DSCAM: variants seen among roughly 807,000 people sequenced by gnomAD.
The protein encoded by DSCAM is DS cell adhesion molecule.
DSCAM carries 47 observed loss-of-function variants against 217.7 expected under a neutral mutation model. The ratio of observed to expected loss-of-function variants is 0.22; its 90% CI spans 0.17 to 0.28. The LOEUF (loss-of-function observed/expected upper bound fraction) is 0.28, where lower values mean the gene tolerates loss of function less well. Ranked by LOEUF, DSCAM falls within the 10% of genes least tolerant of loss-of-function variation. DSCAM has a pLI of 1.00. For synonymous variants in DSCAM, 1,056 were observed against 1,015.3 expected, an observed-to-expected ratio of 1.04 and a Z score of -0.76; for missense variants, 2,080 against 2,618.3, an observed-to-expected ratio of 0.79 and a Z score of 4.49.
rs780963598 is a variant in DSCAM, at chr21:40,708,562, G to T, written c.253C>A (p.Pro85Thr). 10 of 1,602,272 alleles carry T rather than the reference G, an allele frequency of 6.2e-6. No homozygotes were observed. Among genetic ancestry groups the T allele is most frequent in the Non-Finnish European group, 8.5e-6 (10 of 1,172,966 alleles). ...GTACTGAAGCTTGAAGGAGGGAAGGGGAAAATTTGGAGAGTGCCGTTGGGG... is the reference window on the plus strand; with the variant it reads ...GTACTGAAGCTTGAAGGAGGGAAGGTGAAAATTTGGAGAGTGCCGTTGGGG... ...VHPNGTLQIF[P>T]FPPSSFSTLI... is the part of the protein sequence containing the mutation. Residue 85 changes from proline to threonine, a missense_variant, in exon 2 of 33, where the codon CCC (proline) becomes ACC (threonine). Around this residue, in one of 5 missense-constraint regions of DSCAM, gnomAD observed 568 missense variants for 678.1 expected, o/e 0.84. Transcript: ENST00000400454.
chr21:40,525,750 C>A (rs1290295255), intron 3 of DSCAM, among the ~76,000 whole-genome samples: 1 of 152,186 alleles, frequency 6.6e-6, no homozygotes, highest in Admixed American at 6.5e-5. Flanking sequence ...CAGCTCCCAG[C>A]TATATGGTCT....
At position 40,329,021 on chromosome 21, in the gene DSCAM, G is replaced by A. The variant is rs115894430; in HGVS notation, c.1783+9080C>T. On this transcript the variant is annotated intron_variant, in intron 8 of 32. Transcript: ENST00000400454. ...AAAAAACATGAAAAAAACAAGCATC[G>A]GTGAACATGTGGAGAAAAGAGAAGC... 5.7e-3 allele frequency among the ~76,000 whole-genome samples: 871 copies of A among 152,200 alleles called. 7 individuals are homozygous for A. The highest frequency in any genetic ancestry group is 0.02 in the African/African-American group (845 of 41,518).
intron 14 of DSCAM, among the ~76,000 whole-genome samples, chr21:40,185,765 G>A (rs547201732): frequency 1.7e-4 from 25 of 150,802 alleles, no homozygotes; most frequent in African/African-American, 6.2e-4. Flanking sequence ...TCTCCTCCCT[G>A]GGCCCTTGGG....
chr21:40,669,164 C>G (rs183638573), intron 3 of DSCAM, among the ~76,000 whole-genome samples: 154 of 152,204 alleles, frequency 1.0e-3, no homozygotes, highest in African/African-American at 3.6e-3. Flanking sequence ...TATTTTGAGA[C>G]CCTAGACGAA....
At chr21:40,169,706 T>C (rs920150112) in intron 15 of DSCAM, among the ~76,000 whole-genome samples, 20 of 152,146 alleles carry the variant, frequency 1.3e-4, no homozygotes, top group African/African-American at 4.8e-4. Context: ...CCAGTTAAGA[T>C]GTACTTATAA....
At chr21:40,106,413 G>T (rs1331663016) in intron 20 of DSCAM, among the ~76,000 whole-genome samples, 7 of 152,152 alleles carry the variant, frequency 4.6e-5, no homozygotes, top group Non-Finnish European at 5.9e-5. Context: ...GTTCATCAAG[G>T]ATATTCTCCT....
intron 32 of DSCAM, among the ~76,000 whole-genome samples, chr21:40,026,658 G>A (rs2088391086): frequency 6.7e-6 from 1 of 148,192 alleles, no homozygotes; most frequent in Non-Finnish European, 1.5e-5. Flanking sequence ...ATCTTTGTTG[G>A]CTTAAAGTCT....
chr21:40,593,149 A>T (rs1267306375), intron 3 of DSCAM, among the ~76,000 whole-genome samples: 1 of 152,168 alleles, frequency 6.6e-6, no homozygotes, highest in African/African-American at 2.4e-5. Context: ...TGTTTTATAT[A>T]TTGGAACTTC....
intron 3 of DSCAM, among the ~76,000 whole-genome samples, chr21:40,512,791 A>C (rs1294810816): frequency 6.6e-6 from 1 of 151,838 alleles, no homozygotes; most frequent in Non-Finnish European, 1.5e-5. Flanking sequence ...CATTAACGGC[A>C]CAACTGCGTC....
intron 26 of DSCAM, among the ~76,000 whole-genome samples, 154 bp downstream of exon 26, chr21:40,078,533 C>T (rs1327552964): frequency 6.6e-6 from 1 of 152,128 alleles, no homozygotes; most frequent in African/African-American, 2.4e-5. Context: ...AACTAGGGAG[C>T]CCCAGACAGA....
intron 20 of DSCAM, among the ~76,000 whole-genome samples, chr21:40,122,608 G>A (rs889344181): frequency 6.6e-6 from 1 of 152,144 alleles, no homozygotes; most frequent in Admixed American, 6.5e-5. Flanking sequence ...CAGTGTCTAC[G>A]CTGCTCTCCA....
Position 40,236,629 on chromosome 21 carries a change from A to C in DSCAM, c.2356+39468T>G, listed in dbSNP as rs1207445198. ...CTCACAACCTGGCTCTGCTTCATAG[A>C]AGCCTGGGGTCAACTGAGCCCTAGG... On this transcript the variant is annotated intron_variant, in intron 11 of 32. Transcript: ENST00000400454. 5.9e-5 allele frequency among the ~76,000 whole-genome samples: 9 copies of C among 152,138 alleles called. 1 individual carries two copies. Among genetic ancestry groups the C allele is most frequent in the Admixed American group, 2.6e-4 (4 of 15,280 alleles).
chr21:40,031,718 G>T (rs902674932), intron 32 of DSCAM, among the ~76,000 whole-genome samples: 1 of 152,272 alleles, frequency 6.6e-6, no homozygotes, highest in African/African-American at 2.4e-5. Flanking sequence ...CATACAGAAA[G>T]GTAAGAAGAC....
chr21:40,386,121 C>T (rs538689784), intron 3 of DSCAM, among the ~76,000 whole-genome samples: 30 of 152,098 alleles, frequency 2.0e-4, no homozygotes, highest in Admixed American at 5.9e-4. Flanking sequence ...ATTTAATGGC[C>T]TTGCAGATCT....
intron 1 of DSCAM, among the ~76,000 whole-genome samples, chr21:40,836,847 G>A (rs1451220036): frequency 6.6e-6 from 1 of 152,176 alleles, no homozygotes; most frequent in African/African-American, 2.4e-5. Flanking sequence ...AGTGGTGGTG[G>A]GAAAAACAAG....
chr21:40,113,185 G>A (rs1816489669), intron 20 of DSCAM, among the ~76,000 whole-genome samples: 2 of 151,582 alleles, frequency 1.3e-5, no homozygotes, highest in African/African-American at 2.4e-5. Context: ...CTGGCAAACC[G>A]AATAAGCACT....
intron 3 of DSCAM, among the ~76,000 whole-genome samples, chr21:40,443,120 A>G (rs1157109422): frequency 6.6e-6 from 1 of 152,232 alleles, no homozygotes; most frequent in East Asian, 1.9e-4. Flanking sequence ...AAAAATCTAT[A>G]TTAGTGACAG....
chr21:40,016,670 GA>G lies in DSCAM; in HGVS notation c.5687-3285del, dbSNP rs2088164176. Among the ~76,000 whole-genome samples, 1 of 152,196 alleles carries G rather than the reference GA, an allele frequency of 6.6e-6. No individual in the cohort carries two copies. Among genetic ancestry groups the G allele is most frequent in the Non-Finnish European group, 1.5e-5 (1 of 68,042 alleles). On this transcript the variant is annotated intron_variant, in intron 32 of 32. Coordinates refer to ENST00000400454, the MANE Select transcript of DSCAM (RefSeq NM_001389.5). This position sits in a 1 kb window ranked among gnomAD's most constrained non-coding sequence, Gnocchi z 4.3. ...GAAGGTGCAGGCTGAGGGGATCTGAGACCACCTGAGCCAAGTGAGGGCTGCC... is the reference window on the plus strand; with the variant it reads ...GAAGGTGCAGGCTGAGGGGATCTGAGCCACCTGAGCCAAGTGAGGGCTGCC...
At chr21:40,297,210 C>T (rs2073964819) in intron 9 of DSCAM, among the ~76,000 whole-genome samples, 1 of 152,116 alleles carries the variant, frequency 6.6e-6, no homozygotes, top group Non-Finnish European at 1.5e-5. Flanking sequence ...CTGTAAAGAA[C>T]CATCCCTACC....
Sources: allele counts gnomAD v4.1 joint callset (sites outside exome capture counted in the v4.1 genomes callset), GRCh38; gene constraint gnomAD v4.1.1; regional missense constraint gnomAD v4.1.1; non-coding constraint Gnocchi (gnomAD v3.1); transcripts MANE v1.5; gene names NCBI Gene and HGNC (gene_info 2026-07-23, HGNC 2026-07-21).